The following CBLN2 variants were observed in gnomAD, a reference collection of about 807,000 sequenced individuals.
CBLN2 encodes cerebellin 2 precursor.
CBLN2 carries 7 observed loss-of-function variants against 15.0 expected under a neutral mutation model. The observed-to-expected ratio is 0.47, with a 90% CI of 0.27 to 0.88. CBLN2 has a LOEUF of 0.88. CBLN2 is among the 40% of genes least tolerant of loss of function. The pLI, the probability that CBLN2 is intolerant of heterozygous loss-of-function variation, is 0.14. For synonymous variants in CBLN2, 149 were observed against 135.2 expected (o/e 1.10, Z -0.71); for missense variants, 242 against 304.5 (o/e 0.79, Z 1.53).
chr18:72,540,677 C>T (rs181137780), intron 3 of CBLN2, among the ~76,000 whole-genome samples: 19 of 151,718 alleles, frequency 1.3e-4, no homozygotes, highest in East Asian at 3.9e-4. Flanking sequence ...CCTTCCCCTG[C>T]CAAGAAAAAA....
chr18:72,538,201 G>T lies in CBLN2; in HGVS notation c.650C>A (p.Ser217Ter). 1 of 1,614,070 alleles carries T rather than the reference G, an allele frequency of 6.2e-7. No homozygotes were observed. The highest frequency in any genetic ancestry group is 8.5e-7 in the Non-Finnish European group (1 of 1,180,010). ...LMGGWKYSTF[S>*]GFLVFPL ...TTATAGAGGAAACACCAAGAAGCCCGAGAATGTGGAGTATTTCCAGCCCCC... is the reference window on the plus strand; with the variant it reads ...TTATAGAGGAAACACCAAGAAGCCCTAGAATGTGGAGTATTTCCAGCCCCC... The change falls in exon 5 of 5, where the codon TCG becomes TAG. Residue 217 changes from serine to a stop codon, truncating the protein, a stop_gained. Transcript: ENST00000269503. LOFTEE classifies it high-confidence loss of function.
intron 1 of CBLN2, among the ~76,000 whole-genome samples, chr18:72,604,580 G>A (rs1422773972): frequency 6.6e-6 from 1 of 152,172 alleles, no homozygotes; most frequent in African/African-American, 2.4e-5. Flanking sequence ...TGGCAGTATA[G>A]AGAGGGGGGC....
chr18:72,590,064 A>G (rs7229873), intron 1 of CBLN2, among the ~76,000 whole-genome samples: 146,709 of 152,272 alleles, frequency 0.96, 70,852 homozygotes, highest in Non-Finnish European at 1. Flanking sequence ...TCAGGAGATC[A>G]AGACCACCCT....
upstream of CBLN2, among the ~76,000 whole-genome samples, chr18:72,547,826 T>C (rs2069168059): frequency 1.3e-5 from 2 of 152,236 alleles, no homozygotes; most frequent in Admixed American, 1.3e-4. Context: ...TGCTGTATTT[T>C]TGATCGTTTA....
intron 1 of CBLN2, among the ~76,000 whole-genome samples, chr18:72,575,800 G>A (rs376780316): frequency 1.2e-5 from 1 of 86,256 alleles, no homozygotes; most frequent in Non-Finnish European, 2.4e-5. Flanking sequence ...AACGGGAGAT[G>A]TGCGGTGACC....
chr18:72,611,173 A>G (rs12326151), intron 1 of CBLN2, among the ~76,000 whole-genome samples: 31,016 of 152,064 alleles, frequency 0.2, 4,816 homozygotes, highest in African/African-American at 0.44. Context: ...CCACATCTTC[A>G]CTATTGTGAC....
intron 1 of CBLN2, among the ~76,000 whole-genome samples, chr18:72,615,589 T>G (rs2069656088): frequency 6.6e-6 from 1 of 152,112 alleles, no homozygotes; most frequent in Non-Finnish European, 1.5e-5. Context: ...AGTAAAATCT[T>G]ATAAGATGTG....
intron 1 of CBLN2, among the ~76,000 whole-genome samples, chr18:72,561,254 A>G (rs1390166271): frequency 1.3e-5 from 2 of 151,508 alleles, no homozygotes; most frequent in Non-Finnish European, 2.9e-5. Flanking sequence ...AAAAAAAAAA[A>G]AAAAAGATGC....
intron 1 of CBLN2, among the ~76,000 whole-genome samples, chr18:72,555,076 A>T (rs1303576370): frequency 2.0e-5 from 3 of 151,952 alleles, no homozygotes; most frequent in African/African-American, 7.2e-5. Context: ...TGGAGGTTGC[A>T]GTGAGCCGAG....
intron 1 of CBLN2, among the ~76,000 whole-genome samples, chr18:72,558,854 G>C (rs594641): frequency 0.71 from 108,260 of 152,048 alleles, 43,362 homozygotes; most frequent in Non-Finnish European, 0.9. Flanking sequence ...GGGAGTTCAA[G>C]ACCAACCTGG....
In CBLN2 at chr18:72,541,829, C is replaced by G; in HGVS notation, c.332G>C (p.Arg111Pro). 9 of 1,585,382 alleles carry G rather than the reference C, an allele frequency of 5.7e-6. No individual in the cohort carries two copies. The highest frequency in any genetic ancestry group is 7.7e-6 in the Non-Finnish European group (9 of 1,168,488). Residue 111 changes from arginine to proline, a missense_variant, in exon 3 of 5, where the codon CGC becomes CCC. Physicochemically the swap from Arg to Pro is moderately radical, Grantham distance 103. This residue lies in a region of CBLN2 where 89 missense variants were observed against 114.2 expected (regional missense o/e 0.78). Transcript: ENST00000269503. ...CTGGTCGAAATAGATGGTCATGGTG[C>G]GGTTGCTCATCTCGGACGGCTCGTG... Reference protein sequence around the residue: ...TNHEPSEMSNRTMTIYFDQVL... With the variant: ...TNHEPSEMSNPTMTIYFDQVL...
intron 1 of CBLN2, among the ~76,000 whole-genome samples, chr18:72,611,508 A>G (rs1281826626): frequency 6.6e-6 from 1 of 151,966 alleles, no homozygotes; most frequent in Non-Finnish European, 1.5e-5. Flanking sequence ...GATGTGGAGC[A>G]TTTTTTCATG....
chr18:72,543,314 C>G lies in CBLN2; in HGVS notation c.-167+172G>C. ...ACTCTTCCAGTATTCTTTCTAAGAA[C>G]AGAGAAGTTGGCTCTTGATAAATAT... On this transcript the variant is annotated intron_variant, in intron 2 of 4. Coordinates refer to ENST00000269503, the MANE Select transcript of CBLN2 (RefSeq NM_182511.4). The surrounding 1 kb of genome is among the most constrained non-coding windows in gnomAD (Gnocchi z 6.8). 5.2e-6 allele frequency: 2 copies of G among 383,162 alleles called. No homozygotes were observed. The highest frequency in any genetic ancestry group is 9.2e-6 in the Non-Finnish European group (2 of 216,502). The allele number at this position is 383,162 out of a possible 1,614,324, so 23.7% of individuals were successfully genotyped here.
Position 72,567,116 on chromosome 18 carries a change from C to T in CBLN2, c.16-28344G>A, listed in dbSNP as rs73478260. On this transcript the variant is annotated intron_variant, in intron 1 of 2. Transcript: ENST00000581073. ...AGAATTACAGACAGGAGGCACCGCG[C>T]CTGGCCAAGAAATGTTAAATGTTTA... 6.1e-3 allele frequency among the ~76,000 whole-genome samples: 933 copies of T among 152,236 alleles called. 9 individuals are homozygous for T. The highest frequency in any genetic ancestry group is 0.021 in the African/African-American group (887 of 41,538).
chr18:72,578,147 C>G (rs1454068852), intron 1 of CBLN2, among the ~76,000 whole-genome samples: 2 of 152,072 alleles, frequency 1.3e-5, no homozygotes, highest in Non-Finnish European at 1.5e-5. Context: ...GGGACAAGCA[C>G]CTGGTATACT....
chr18:72,585,208 C>G (rs2069434480), intron 1 of CBLN2, among the ~76,000 whole-genome samples: 1 of 152,230 alleles, frequency 6.6e-6, no homozygotes, highest in South Asian at 2.1e-4. Flanking sequence ...TCTTCTCTCC[C>G]TCTTGTCACC....
At chr18:72,559,325 G>A (rs2069245726) in intron 1 of CBLN2, among the ~76,000 whole-genome samples, 1 of 152,182 alleles carries the variant, frequency 6.6e-6, no homozygotes, top group African/African-American at 2.4e-5. Flanking sequence ...CTCTGTAGCT[G>A]TGGAGTCCAT....
intron 1 of CBLN2, among the ~76,000 whole-genome samples, chr18:72,594,125 C>T (rs2069498102): frequency 6.6e-6 from 1 of 151,996 alleles, no homozygotes; most frequent in Non-Finnish European, 1.5e-5. Context: ...CACACTGGGG[C>T]CTGTCAGGGG....
intron 1 of CBLN2, chr18:72,625,214 CATTGAG>C: frequency 6.6e-6 from 1 of 152,176 alleles, no homozygotes; most frequent in South Asian, 2.1e-4. Context: ...GTGAGAGGCA[CATTGAG>C]AATCTGAAAA....
Sources: gnomAD v4.1 joint callset for allele counts (sites outside exome capture counted in the v4.1 genomes callset) on GRCh38, gnomAD v4.1.1 for gene constraint, gnomAD v4.1.1 regional missense constraint, Gnocchi (gnomAD v3.1) non-coding constraint, MANE v1.5 for transcripts, NCBI Gene and HGNC (gene_info 2026-07-23, HGNC 2026-07-21) for gene names.